Variants in LYPD3 observed in about 807,000 individuals in gnomAD.
LYPD3 encodes the protein LY6/PLAUR domain containing 3.
In LYPD3, 22 loss-of-function variants were observed where a neutral mutation model predicts 21.7. The observed-to-expected ratio is 1.01, with a 90% CI of 0.72 to 1.45. LYPD3 has a LOEUF of 1.45. LYPD3 is among the 40% of genes most tolerant of loss of function. The probability of loss-of-function intolerance (pLI) is 0.00; values close to 1 mark genes in which losing one functional copy is unlikely to be tolerated. For missense variants in LYPD3, 471 were observed against 466.9 expected, an observed-to-expected ratio of 1.01 and a Z score of -0.08; for synonymous variants, 179 against 203.0, an observed-to-expected ratio of 0.88 and a Z score of 1.00.
intron 3 of LYPD3, 70 bp downstream of exon 3, chr19:43,463,529 G>T (rs1218018279): frequency 1.3e-6 from 2 of 1,522,380 alleles, no homozygotes; most frequent in East Asian, 4.7e-5. Context: ...CCTCTGCCAC[G>T]GCTCCACCTC....
intron 1 of LYPD3, 37 bp downstream of exon 1, chr19:43,465,456 A>G (rs1970814026): frequency 3.1e-6 from 5 of 1,598,070 alleles, no homozygotes; most frequent in Non-Finnish European, 4.3e-6. Context: ...AAGAGCCCCC[A>G]CTCTACCCCC....
chr19:43,461,938 A>T lies in LYPD3; in HGVS notation c.545-91T>A. On this transcript the variant is annotated intron_variant, in intron 4 of 4. Coordinates refer to ENST00000244333, the MANE Select transcript of LYPD3 (RefSeq NM_014400.3). ...ACTTAGAGGCATCAGACAAGAACAG[A>T]GAACCTGACCGGGCGTGGTGGCTCA... 3 of 1,432,948 alleles carry T rather than the reference A, an allele frequency of 2.1e-6. No individual in the cohort carries two copies. The East Asian group carries it at 6.9e-5, about 33-fold the overall frequency. The allele number at this position is 1,432,948 out of a possible 1,614,324, so 88.8% of individuals were successfully genotyped here.
intron 1 of LYPD3, 82 bp downstream of exon 1, chr19:43,465,411 C>T (rs1970813675): frequency 6.7e-7 from 1 of 1,484,476 alleles, no homozygotes. Context: ...CTTCCCACAG[C>T]CTTCTCTGTA....
At chr19:43,463,015 A>G in intron 4 of LYPD3, 111 bp downstream of exon 4, 1 of 1,175,074 alleles carries the variant, frequency 8.5e-7, no homozygotes, top group East Asian at 2.3e-5. Context: ...CGATTCCCAG[A>G]ATGCGTCGCA....
At chr19:43,463,004 A>T in intron 4 of LYPD3, 122 bp downstream of exon 4, 2 of 1,067,256 alleles carry the variant, frequency 1.9e-6, no homozygotes, top group South Asian at 2.8e-5. Context: ...CCTAGGCCCC[A>T]CGATTCCCAG....
In LYPD3 at chr19:43,461,315, G is replaced by C. The variant is rs1970773084; in HGVS notation, c.*36C>G. ...GAGAAGAGGGGTACCCAGGGCCAGA[G>C]AAGTAGGTGAGAGGGAAATTTCCAG... On this transcript the variant is annotated 3_prime_UTR_variant, in exon 5 of 5. Transcript: ENST00000244333. 6.5e-7 allele frequency: 1 copy of C among 1,545,044 alleles called. No individual in the cohort carries two copies. Among genetic ancestry groups the C allele is most frequent in the South Asian group, 1.2e-5 (1 of 81,468 alleles).
chr19:43,465,395 G>A lies in LYPD3; in HGVS notation c.79+98C>T, dbSNP rs114965867. The A allele has an allele frequency of 9.2e-4, 1,274 of 1,388,570 alleles. 6 individuals are homozygous for A. The African/African-American group carries it at 0.011, about 12-fold the overall frequency. 86.0% of individuals were successfully genotyped at this position (1,388,570 alleles called of 1,614,324 possible). A position where few individuals can be genotyped will look rare whatever the true frequency, so the allele number is the denominator to read the frequency against. ...GCCCACAGTGCCCTCTGCTTATGTG[G>A]GGATCCTTCCCACAGCCTTCTCTGT... On this transcript the variant is annotated intron_variant, in intron 1 of 4. Coordinates refer to ENST00000244333, the MANE Select transcript of LYPD3 (RefSeq NM_014400.3).
At chr19:43,462,196 G>A (rs892932434) in intron 4 of LYPD3, among the ~76,000 whole-genome samples, 1 of 152,202 alleles carries the variant, frequency 6.6e-6, no homozygotes, top group Non-Finnish European at 1.5e-5. Context: ...GAATGGAAAT[G>A]TGTGTAGGCT....
At chr19:43,463,971 G>A in intron 2 of LYPD3, 1 of 646,242 alleles carries the variant, frequency 1.5e-6, no homozygotes, top group Non-Finnish European at 2.7e-6. Context: ...GCGGGGTCAC[G>A]GAACGGGGGC....
rs1173645566 is a variant in LYPD3, at chr19:43,463,248, T to C, written c.422A>G (p.Tyr141Cys). Residue 141 changes from tyrosine to cysteine, a missense_variant, in exon 4 of 5, where the codon TAC becomes TGC. Physicochemically the swap from Tyr to Cys is radical, Grantham distance 194. Transcript: ENST00000244333. ...CTCCCGGCTCAGGCCCACACAGCTGTAGCACTCCACGCCGTTGGGCGGGTA... is the reference window on the plus strand; with the variant it reads ...CTCCCGGCTCAGGCCCACACAGCTGCAGCACTCCACGCCGTTGGGCGGGTA... Reference protein sequence around the residue: ...SAYPPNGVECYSCVGLSREAC... With the variant: ...SAYPPNGVECCSCVGLSREAC... 1 of 1,606,110 alleles carries C rather than the reference T, an allele frequency of 6.2e-7. No homozygotes were observed. Among genetic ancestry groups the C allele is most frequent in the Non-Finnish European group, 8.5e-7 (1 of 1,179,964 alleles).
In LYPD3 at chr19:43,462,596, G is replaced by A. The variant is rs191199198; in HGVS notation, c.544+530C>T. On this transcript the variant is annotated intron_variant, in intron 4 of 4. Transcript: ENST00000244333. ...TGCTTGAGCCCAAGAGGTAGAGGCT[G>A]CAGTGAGCTATGATTGCGCCACTAC... Among the ~76,000 whole-genome samples, 518 of 152,288 alleles carry A rather than the reference G, an allele frequency of 3.4e-3. 1 individual carries two copies. Among genetic ancestry groups the A allele is most frequent in the Middle Eastern group, 0.014 (4 of 294 alleles).
In LYPD3 at chr19:43,463,170, T is replaced by G. The variant is rs752550447; in HGVS notation, c.500A>C (p.His167Pro). Residue 167 changes from histidine to proline, a missense_variant, in exon 4 of 5, where the codon CAT (histidine) becomes CCT (proline). Coordinates refer to ENST00000244333, the MANE Select transcript of LYPD3 (RefSeq NM_014400.3). ...GCCGTCGAAGCAGCCCTTGTAGACATGATCGCTGGCGTTGTAGCAGCTCAC... is the reference window on the plus strand; with the variant it reads ...GCCGTCGAAGCAGCCCTTGTAGACAGGATCGCTGGCGTTGTAGCAGCTCAC... ...PVVSCYNASD[H>P]VYKGCFDGNV... 1 of 1,612,182 alleles carries G rather than the reference T, an allele frequency of 6.2e-7. No homozygotes were observed. The highest frequency in any genetic ancestry group is 8.5e-7 in the Non-Finnish European group (1 of 1,180,020).
chr19:43,464,025 G>A (rs772830511), intron 2 of LYPD3: 5 of 614,462 alleles, frequency 8.1e-6, no homozygotes, highest in Non-Finnish European at 1.4e-5. Flanking sequence ...CTGGTTGACA[G>A]GCAGGGATGG....
At chr19:43,464,191 G>A in intron 2 of LYPD3, 134 bp downstream of exon 2, 2 of 1,215,630 alleles carry the variant, frequency 1.6e-6, no homozygotes, top group African/African-American at 1.5e-5. Flanking sequence ...GTGTCGTAGG[G>A]TCCCGGCCAG....
At chr19:43,462,720 G>T (rs1970785499) in intron 4 of LYPD3, among the ~76,000 whole-genome samples, 1 of 152,186 alleles carries the variant, frequency 6.6e-6, no homozygotes, top group South Asian at 2.1e-4. Flanking sequence ...ACTGGCAGGG[G>T]ATGGGATTTG....
chr19:43,463,106 G>T lies in LYPD3; in HGVS notation c.544+20C>A. ...GGCTACCACAACTCCCGTAGGTCCCGTGCTCCGGGGCTCCCTCACCTGCCG... is the reference window on the plus strand; with the variant it reads ...GGCTACCACAACTCCCGTAGGTCCCTTGCTCCGGGGCTCCCTCACCTGCCG... On this transcript the variant is annotated intron_variant, in intron 4 of 4. Coordinates refer to ENST00000244333, the MANE Select transcript of LYPD3 (RefSeq NM_014400.3). 6.2e-7 allele frequency: 1 copy of T among 1,610,166 alleles called. No individual in the cohort carries two copies. Among genetic ancestry groups the T allele is most frequent in the Non-Finnish European group, 8.5e-7 (1 of 1,179,654 alleles).
At chr19:43,462,253 A>G (rs1599921940) in intron 4 of LYPD3, among the ~76,000 whole-genome samples, 1 of 151,984 alleles carries the variant, frequency 6.6e-6, no homozygotes, top group Non-Finnish European at 1.5e-5. Flanking sequence ...GAGATACAAG[A>G]CCTCTCACAA....
chr19:43,463,201 G>T lies in LYPD3; in HGVS notation c.469C>A (p.Pro157Thr). The change falls in exon 4 of 5, where the codon CCG becomes ACG. Residue 157 changes from proline (P) to threonine (T), a missense_variant. By Grantham distance (38) the Pro-to-Thr change is conservative. Transcript: ENST00000244333. ...CTGGCGTTGTAGCAGCTCACGACCG[G>T]CGGCGATGTACCCTGGCACGCCTCC... ...SREACQGTSPPVVSCYNASDH... is the reference protein window; with the variant it reads ...SREACQGTSPTVVSCYNASDH... The T allele has an allele frequency of 6.2e-7, 1 of 1,610,752 alleles. No homozygotes were observed.
chr19:43,464,480 C>A lies in LYPD3; in HGVS notation c.80-24G>T, dbSNP rs147937280. 11 of 1,613,588 alleles carry A rather than the reference C, an allele frequency of 6.8e-6. No individual in the cohort carries two copies. In the East Asian group the frequency reaches 2.5e-4, roughly 36 times the overall value. On this transcript the variant is annotated intron_variant, in intron 1 of 4. Transcript: ENST00000244333. ...TCCTGGGGGAGCGGAGCCGAATAGA[C>A]CTGAGCCCTCCTTGCTAAAGCGTCC...
Sources: allele counts gnomAD v4.1 joint callset (sites outside exome capture counted in the v4.1 genomes callset), GRCh38; gene constraint gnomAD v4.1.1; transcripts MANE v1.5; gene names NCBI Gene and HGNC (gene_info 2026-07-23, HGNC 2026-07-21).